Variants in TET3 observed in about 807,000 individuals in gnomAD.
TET3 encodes the protein methylcytosine dioxygenase TET3.
TET3 carries 19 observed loss-of-function variants against 141.4 expected under a neutral mutation model. The observed-to-expected ratio is 0.13, with a 90% CI of 0.09 to 0.20. TET3 has a LOEUF of 0.20. Among genes scored for constraint, TET3 ranks in the 10% least tolerant of loss-of-function variants. TET3 has a pLI of 1.00. For missense variants in TET3, 1,874 were observed against 2,356.9 expected (o/e 0.80, Z 4.24); for synonymous variants, 1,043 against 980.9 (o/e 1.06, Z -1.18).
intron 5 of TET3, chr2:74,073,918 A>G (rs1308052003): frequency 4.0e-6 from 1 of 249,622 alleles, no homozygotes; most frequent in African/African-American, 2.2e-5. Flanking sequence ...AGTTTCCTAC[A>G]TCTGAATTTT....
rs1419178650 is a variant in TET3 at position 74,047,601 on chromosome 2, C to T, written c.1684C>T (p.Pro562Ser). ...SEPSAPGWWP[P>S]PSSPVPRLPD... ...GCCTTCTGCTCCTGGCTGGTGGCCCCCACCAAGTTCACCTGTCCCACGGCT... is the reference window on the plus strand; with the variant it reads ...GCCTTCTGCTCCTGGCTGGTGGCCCTCACCAAGTTCACCTGTCCCACGGCT... The change falls in exon 4 of 12, where the codon CCA (proline) becomes TCA (serine). Residue 562 changes from proline to serine, a missense_variant. Physicochemically the swap from Pro to Ser is moderately conservative, Grantham distance 74. Coordinates refer to ENST00000409262, the MANE Select transcript of TET3 (RefSeq NM_001287491.2). The T allele has an allele frequency of 6.2e-7, 1 of 1,613,836 alleles. No individual in the cohort carries two copies. Among genetic ancestry groups the T allele is most frequent in the Non-Finnish European group, 8.5e-7 (1 of 1,179,838 alleles).
intron 4 of TET3, among the ~76,000 whole-genome samples, chr2:74,056,210 A>G (rs1688206400): frequency 6.6e-6 from 1 of 152,202 alleles, no homozygotes; most frequent in African/African-American, 2.4e-5. Context: ...TCCCCACTGG[A>G]AAAATGTGGA....
chr2:74,004,246 A>C (rs1685031156), intron 3 of TET3, among the ~76,000 whole-genome samples: 1 of 152,042 alleles, frequency 6.6e-6, no homozygotes, highest in Non-Finnish European at 1.5e-5. Context: ...GGAGCTGGGG[A>C]TCTTGGTTGC....
chr2:74,062,839 G>A (rs925176346), intron 4 of TET3, among the ~76,000 whole-genome samples: 9 of 150,262 alleles, frequency 6.0e-5, no homozygotes, highest in East Asian at 2.0e-4. Context: ...AAAGAGAACC[G>A]TATGCTGAAG....
chr2:74,033,656 G>A (rs1686872457), intron 3 of TET3, among the ~76,000 whole-genome samples: 1 of 152,192 alleles, frequency 6.6e-6, no homozygotes, highest in South Asian at 2.1e-4. Context: ...GCATGTAAAA[G>A]TTGTGTTTAC....
At position 74,047,561 on chromosome 2, in the gene TET3, C is replaced by G; in HGVS notation, c.1644C>G (p.Phe548Leu). Residue 548 changes from phenylalanine to leucine, a missense_variant, in exon 4 of 12, where the codon TTC becomes TTG. By Grantham distance (22) the Phe-to-Leu change is conservative. Coordinates refer to ENST00000409262, the MANE Select transcript of TET3 (RefSeq NM_001287491.2). ...LFLEQVHDTS[F>L]PAPSEPSAPG... ...TAGAACAGGTGCACGACACCTCCTT[C>G]CCTGCTCCTTCAGAGCCTTCTGCTC... The G allele has an allele frequency of 6.2e-7, 1 of 1,613,948 alleles. No individual in the cohort carries two copies. The highest frequency in any genetic ancestry group is 1.1e-5 in the South Asian group (1 of 91,086).
chr2:74,050,530 C>A (rs1054644583), intron 4 of TET3, among the ~76,000 whole-genome samples: 1 of 152,108 alleles, frequency 6.6e-6, no homozygotes, highest in African/African-American at 2.4e-5. Context: ...AGAAATGGTT[C>A]ATCACTGAAG....
chr2:74,011,785 C>G, intron 3 of TET3, among the ~76,000 whole-genome samples: 1 of 151,464 alleles, frequency 6.6e-6, no homozygotes, highest in Admixed American at 6.6e-5. Flanking sequence ...ATGCCATAAT[C>G]CCAGCACTTT....
chr2:74,009,100 T>G (rs1685296626), intron 3 of TET3, among the ~76,000 whole-genome samples: 1 of 152,192 alleles, frequency 6.6e-6, no homozygotes, highest in African/African-American at 2.4e-5. Flanking sequence ...AAAATCCTTG[T>G]CCCCAGGAGT....
chr2:74,061,138 G>C (rs940978421), intron 4 of TET3, among the ~76,000 whole-genome samples: 3 of 149,566 alleles, frequency 2.0e-5, no homozygotes, highest in Admixed American at 1.3e-4. Flanking sequence ...CCGGCCGGGC[G>C]GGGGGCTGAC....
At chr2:74,003,029 G>C in intron 2 of TET3, 81 bp from the exon 3 acceptor site, 1 of 1,486,312 alleles carries the variant, frequency 6.7e-7, no homozygotes, top group Non-Finnish European at 9.2e-7. Flanking sequence ...CCCTCCGGCC[G>C]GGCTGGGGGC....
intron 4 of TET3, among the ~76,000 whole-genome samples, chr2:74,057,716 A>G (rs559268001): frequency 6.6e-4 from 100 of 152,356 alleles, no homozygotes; most frequent in African/African-American, 2.3e-3. Context: ...CAGTGCCTAC[A>G]GTAAGGAGCT....
Position 74,105,052 on chromosome 2 carries a change from G to A in TET3, c.*2876G>A, listed in dbSNP as rs527886320. 4 of 397,602 alleles carry A rather than the reference G, an allele frequency of 1.0e-5. No individual in the cohort carries two copies. The highest frequency in any genetic ancestry group is 4.4e-5 in the Admixed American group (1 of 22,708). 24.6% of individuals were successfully genotyped at this position (397,602 alleles called of 1,614,324 possible). A position where few individuals can be genotyped will look rare whatever the true frequency, so the allele number is the denominator to read the frequency against. On this transcript the variant is annotated 3_prime_UTR_variant, in exon 12 of 12. Transcript: ENST00000409262. ...ATGCACAGCTCTTTATCCCCCCCTT[G>A]CTGCTGAAGCTTTCTTAAAGAGAAA... is the stretch of plus-strand genomic sequence containing the variant.
In TET3 at chr2:74,099,316, A is replaced by G; in HGVS notation, c.3308A>G (p.Lys1103Arg). The G allele has an allele frequency of 6.2e-7, 1 of 1,611,614 alleles. No individual in the cohort carries two copies. Among genetic ancestry groups the G allele is most frequent in the Non-Finnish European group, 8.5e-7 (1 of 1,178,882 alleles). The change falls in exon 11 of 12, where the codon AAG becomes AGG. Residue 1103 changes from lysine to arginine, a missense_variant. By Grantham distance (26) the Lys-to-Arg change is conservative. Around this residue, in one of 10 missense-constraint regions of TET3, gnomAD observed 53 missense variants for 112.8 expected, o/e 0.47. Transcript: ENST00000409262. Reference protein sequence around the residue: ...LTKEDNRCVGKIPEDEQLHVL... With the variant: ...LTKEDNRCVGRIPEDEQLHVL... ...AAGGAAGACAATCGCTGCGTGGGCA[A>G]GATTCCCGAGGATGAGCAGCTGCAT...
At chr2:74,065,822 G>C (rs1198970803) in intron 4 of TET3, among the ~76,000 whole-genome samples, 2 of 150,180 alleles carry the variant, frequency 1.3e-5, no homozygotes, top group Non-Finnish European at 3.0e-5. Flanking sequence ...GCAGTGGTGC[G>C]ACCTCAGCTC....
chr2:74,048,584 T>G (rs977125931), intron 4 of TET3, among the ~76,000 whole-genome samples, 173 bp downstream of exon 4: 6 of 152,146 alleles, frequency 3.9e-5, no homozygotes, highest in African/African-American at 1.4e-4. Context: ...TTGAAAGAAA[T>G]TGACGTGATA....
At chr2:74,116,689 TAAAA>T in the TET3 span, among the ~76,000 whole-genome samples, 3 of 133,068 alleles carry the variant, frequency 2.3e-5, no homozygotes, top group Admixed American at 7.7e-5. Context: ...CATCCCAAGT[TAAAA>T]AAAAAAAAAA....
At chr2:74,049,120 C>T (rs965044215) in intron 4 of TET3, among the ~76,000 whole-genome samples, 2 of 152,044 alleles carry the variant, frequency 1.3e-5, no homozygotes, top group Admixed American at 6.5e-5. Context: ...CTGAAAGAGC[C>T]GGTGGCAGAG....
intron 2 of TET3, among the ~76,000 whole-genome samples, chr2:73,994,637 T>C (rs913069968): frequency 9.0e-6 from 1 of 111,382 alleles, no homozygotes; most frequent in Admixed American, 9.1e-5. Flanking sequence ...TTTCTTTCTT[T>C]CTTTTTTTTT....
Sources: gnomAD v4.1 joint callset for allele counts (sites outside exome capture counted in the v4.1 genomes callset) on GRCh38, gnomAD v4.1.1 for gene constraint, gnomAD v4.1.1 regional missense constraint, MANE v1.5 for transcripts, NCBI Gene and HGNC (gene_info 2026-07-23, HGNC 2026-07-21) for gene names.